A2ML1: variants seen among roughly 807,000 people sequenced by gnomAD.
The protein encoded by A2ML1 is alpha-2-macroglobulin like 1.
A neutral mutation model predicts 181.9 loss-of-function variants in A2ML1; 161 were observed. That is an observed-to-expected ratio of 0.89 (90% CI 0.78 to 1.01). A2ML1 has a LOEUF of 1.01. Ranked by LOEUF, A2ML1 falls within the 50% of genes least tolerant of loss-of-function variation. The probability of loss-of-function intolerance (pLI) is 0.00; values close to 1 mark genes in which losing one functional copy is unlikely to be tolerated. For synonymous variants in A2ML1, 663 were observed against 666.8 expected, an observed-to-expected ratio of 0.99 and a Z score of 0.09; for missense variants, 1,670 against 1,768.1, an observed-to-expected ratio of 0.94 and a Z score of 1.00.
At chr12:8,843,456 CAGA>C in intron 12 of A2ML1, 95 bp downstream of exon 12, 1 of 1,113,944 alleles carries the variant, frequency 9.0e-7, no homozygotes, top group Admixed American at 2.9e-5. Flanking sequence ...ATCTGAATTG[CAGA>C]TGCACATCTA....
At chr12:8,843,472 T>A in intron 12 of A2ML1, 111 bp downstream of exon 12, 2 of 930,940 alleles carry the variant, frequency 2.1e-6, no homozygotes, top group Non-Finnish European at 3.1e-6. Context: ...CACATCTAAT[T>A]AAAAACAATT....
In A2ML1 at chr12:8,868,009, T is replaced by C. The variant is rs773383696; in HGVS notation, c.3885T>C (p.Pro1295=). The change falls in exon 30 of 36, where the codon CCT becomes CCC. Residue 1295 remains proline, a synonymous_variant. Coordinates refer to ENST00000299698, the MANE Select transcript of A2ML1 (RefSeq NM_144670.6). Reference sequence around the variant, plus strand: ...AGCAGGATACCCTGCCCAATGTCCCTGGAATGTACACGTTGGAGGCCTCAG... The same window carrying C: ...AGCAGGATACCCTGCCCAATGTCCCCGGAATGTACACGTTGGAGGCCTCAG... ...VFQQDTLPNV[P]GMYTLEASGQ... 1 of 1,614,268 alleles carries C rather than the reference T, an allele frequency of 6.2e-7. No homozygotes were observed. The highest frequency in any genetic ancestry group is 2.2e-5 in the East Asian group (1 of 44,886).
In A2ML1 at chr12:8,834,688, C is replaced by G; in HGVS notation, c.483+6C>G. The G allele has an allele frequency of 6.2e-7, 1 of 1,614,102 alleles. No individual in the cohort carries two copies. The highest frequency in any genetic ancestry group is 1.3e-5 in the African/African-American group (1 of 75,052). On this transcript the variant is annotated splice_donor_region_variant and intron_variant, in intron 5 of 35. Transcript: ENST00000299698. ...ACTCCATGGTGGAACTACAGGTAAG[C>G]GGAAGTTTCTTTCTCTTCTCTGTCA...
At chr12:8,863,483 G>A (rs1944337743) in intron 28 of A2ML1, among the ~76,000 whole-genome samples, 4 of 152,108 alleles carry the variant, frequency 2.6e-5, no homozygotes, top group Admixed American at 2.6e-4. Context: ...CAAACACAGA[G>A]ATTCTTATAA....
chr12:8,831,384 T>TA (rs1329659013), intron 4 of A2ML1, among the ~76,000 whole-genome samples: 2 of 152,208 alleles, frequency 1.3e-5, no homozygotes, highest in African/African-American at 4.8e-5. Context: ...CTACCCCTGT[T>TA]ACGATTCAAA....
intron 29 of A2ML1, among the ~76,000 whole-genome samples, chr12:8,865,569 C>CAAA (rs938463629): frequency 3.3e-5 from 5 of 152,246 alleles, no homozygotes; most frequent in East Asian, 1.9e-4. Flanking sequence ...ACAACAACAA[C>CAAA]AATTTTAACT....
chr12:8,836,060 T>C (rs771880597), intron 6 of A2ML1, among the ~76,000 whole-genome samples, 195 bp from the exon 7 acceptor site: 1 of 150,778 alleles, frequency 6.6e-6, no homozygotes, highest in South Asian at 2.1e-4. Flanking sequence ...TAAAATGTAC[T>C]CTGGGAAAGG....
chr12:8,867,022 C>T (rs761082159), intron 29 of A2ML1, among the ~76,000 whole-genome samples: 4 of 152,148 alleles, frequency 2.6e-5, no homozygotes, highest in South Asian at 4.1e-4. Context: ...TGTCTTATTC[C>T]CAGAGAAATA....
intron 23 of A2ML1, 56 bp downstream of exon 23, chr12:8,855,648 G>T (rs1195064128): frequency 6.4e-7 from 1 of 1,555,666 alleles, no homozygotes; most frequent in Non-Finnish European, 8.9e-7. Flanking sequence ...AGGCTGCAAA[G>T]GTGTGGAGTG....
intron 5 of A2ML1, 95 bp downstream of exon 5, chr12:8,834,777 C>T: frequency 2.7e-6 from 4 of 1,501,186 alleles, no homozygotes; most frequent in South Asian, 1.2e-5. Flanking sequence ...ACTCTGAGAT[C>T]TTGGCCCAGA....
At chr12:8,836,216 C>T (rs144841693) in intron 6 of A2ML1, 39 bp from the exon 7 acceptor site, 19 of 1,563,104 alleles carry the variant, frequency 1.2e-5, no homozygotes, top group Non-Finnish European at 1.5e-5. Context: ...CTGATTCCTC[C>T]TCCAGTGCTT....
At chr12:8,830,132 A>G (rs2136731709) in intron 4 of A2ML1, among the ~76,000 whole-genome samples, 1 of 152,192 alleles carries the variant, frequency 6.6e-6, no homozygotes, top group African/African-American at 2.4e-5. Flanking sequence ...GCTCACTACA[A>G]CCTCTGCCTC....
chr12:8,860,008 A>G (rs1944200480), intron 26 of A2ML1, among the ~76,000 whole-genome samples: 1 of 152,058 alleles, frequency 6.6e-6, no homozygotes, highest in African/African-American at 2.4e-5. Flanking sequence ...GAGCCATGTA[A>G]CCGTGAGCAA....
rs200673370 is a variant in A2ML1, at chr12:8,847,640, G to A, written c.1775G>A (p.Arg592Gln). The change falls in exon 15 of 36, where the codon CGG becomes CAG. Residue 592 changes from arginine to glutamine, a missense_variant. Coordinates refer to ENST00000299698, the MANE Select transcript of A2ML1 (RefSeq NM_144670.6). The stretch of plus-strand genomic sequence containing the variant: ...GCTCCCGGATCCCTGTGTGCGCTCC[G>A]GGCGGTGGATGAGAGTGTCTTACTG... ...QAAPGSLCAL[R>Q]AVDESVLLLR... The A allele has an allele frequency of 4.2e-4, 680 of 1,613,426 alleles. 1 individual carries two copies. Among genetic ancestry groups the A allele is most frequent in the Admixed American group, 1.2e-3 (71 of 59,964 alleles).
chr12:8,831,148 C>CG (rs35041189), intron 4 of A2ML1, among the ~76,000 whole-genome samples: 1 of 151,922 alleles, frequency 6.6e-6, no homozygotes. Flanking sequence ...TTGTGGGGGG[C>CG]GGGGGTCTCA....
intron 28 of A2ML1, 111 bp from the exon 29 acceptor site, chr12:8,863,683 G>T: frequency 1.9e-6 from 2 of 1,071,144 alleles, no homozygotes; most frequent in Admixed American, 2.6e-5. Context: ...TTTCTACTCT[G>T]TTTAATTCTC....
At chr12:8,840,992 AAGGAAGG>A (rs1330561606) in intron 10 of A2ML1, among the ~76,000 whole-genome samples, 4 of 95,948 alleles carry the variant, frequency 4.2e-5, no homozygotes, top group Admixed American at 1.2e-4. Flanking sequence ...GGAAGGAAGG[AAGGAAGG>A]AAGGAAGGAA....
At chr12:8,851,706 G>T (rs987103467) in intron 18 of A2ML1, 78 bp from the exon 19 acceptor site, 1 of 1,403,016 alleles carries the variant, frequency 7.1e-7, no homozygotes, top group Non-Finnish European at 9.8e-7. Context: ...ACACCCCACC[G>T]AATTTGTGGC....
At chr12:8,832,293 A>T (rs1028812056) in intron 4 of A2ML1, among the ~76,000 whole-genome samples, 1 of 152,190 alleles carries the variant, frequency 6.6e-6, no homozygotes, top group Non-Finnish European at 1.5e-5. Flanking sequence ...TACAACAGTG[A>T]TGTTCTCCCC....
Sources: gnomAD v4.1 joint callset for allele counts (sites outside exome capture counted in the v4.1 genomes callset) on GRCh38, gnomAD v4.1.1 for gene constraint, MANE v1.5 for transcripts, NCBI Gene and HGNC (gene_info 2026-07-23, HGNC 2026-07-21) for gene names.